Variants in CDK8 observed in about 807,000 individuals in gnomAD.
CDK8 encodes cyclin dependent kinase 8, also known as cyclin-dependent kinase 8.
CDK8 carries 29 observed loss-of-function variants against 71.5 expected under a neutral mutation model. The ratio of observed to expected loss-of-function variants is 0.41; its 90% CI spans 0.30 to 0.55. The LOEUF is 0.55. Among genes scored for constraint, CDK8 ranks in the 20% least tolerant of loss-of-function variants. The probability of loss-of-function intolerance (pLI) is 0.37; values close to 1 mark genes in which losing one functional copy is unlikely to be tolerated. For missense variants in CDK8, 288 were observed against 572.6 expected, an observed-to-expected ratio of 0.50 and a Z score of 5.07; for synonymous variants, 161 against 192.1, an observed-to-expected ratio of 0.84 and a Z score of 1.34.
intron 1 of CDK8, among the ~76,000 whole-genome samples, chr13:26,306,355 A>G (rs1000876017): frequency 2.6e-5 from 4 of 152,170 alleles, no homozygotes; most frequent in Non-Finnish European, 5.9e-5. Flanking sequence ...GGGAATGAAC[A>G]TATTTCTTTG....
chr13:26,331,034 C>T (rs1424556375), intron 1 of CDK8, among the ~76,000 whole-genome samples: 1 of 152,122 alleles, frequency 6.6e-6, no homozygotes, highest in African/African-American at 2.4e-5. Flanking sequence ...TCTATAGTGG[C>T]TGTACTAGTT....
intron 9 of CDK8, chr13:26,400,131 A>G (rs1452506644): frequency 4.5e-6 from 1 of 223,156 alleles, no homozygotes; most frequent in Non-Finnish European, 8.8e-6. Flanking sequence ...TTTTATCTTA[A>G]TAGAAAAAGA....
intron 1 of CDK8, among the ~76,000 whole-genome samples, chr13:26,295,829 A>G (rs531063208): frequency 4.3e-4 from 65 of 152,282 alleles, no homozygotes; most frequent in Non-Finnish European, 8.4e-4. Context: ...TTATGACTGT[A>G]TGAGGTCTCA....
At chr13:26,317,311 A>G (rs900178313) in intron 1 of CDK8, among the ~76,000 whole-genome samples, 2 of 152,320 alleles carry the variant, frequency 1.3e-5, no homozygotes, top group African/African-American at 4.8e-5. Flanking sequence ...ACAGACCATC[A>G]AAATGCATGA....
At chr13:26,310,847 T>C (rs957358081) in intron 1 of CDK8, among the ~76,000 whole-genome samples, 1 of 152,200 alleles carries the variant, frequency 6.6e-6, no homozygotes, top group Non-Finnish European at 1.5e-5. Flanking sequence ...TTCTCAAAGT[T>C]ACTTTGTTCA....
At chr13:26,324,155 A>G (rs1874917880) in intron 1 of CDK8, among the ~76,000 whole-genome samples, 1 of 152,222 alleles carries the variant, frequency 6.6e-6, no homozygotes, top group African/African-American at 2.4e-5. Context: ...TTCTTTAAAT[A>G]GAAAAGTTTG....
At chr13:26,394,115 C>G (rs1308277210) in intron 7 of CDK8, among the ~76,000 whole-genome samples, 1 of 152,276 alleles carries the variant, frequency 6.6e-6, no homozygotes, top group Non-Finnish European at 1.5e-5. Context: ...AACTGTATCT[C>G]AATCCCTAGT....
Position 26,271,806 on chromosome 13 carries a change from CTTTTTTTTTTTTT to C in CDK8, c.128+17061_128+17073del, listed in dbSNP as rs58160694. 9.0e-3 allele frequency among the ~76,000 whole-genome samples: 565 copies of C among 62,626 alleles called. 5 individuals are homozygous for C. Among genetic ancestry groups the C allele is most frequent in the Non-Finnish European group, 0.012 (462 of 37,318 alleles). 41.1% of individuals were successfully genotyped at this position (62,626 alleles called of 152,430 possible). ...CCTGGGGGACAGAGTGAGACCCTGT[CTTTTTTTTTTTTT>C]TTTTTTTTTTTTTTTTTTTTTTTAA... On this transcript the variant is annotated intron_variant, in intron 1 of 12. Transcript: ENST00000381527.
chr13:26,394,739 T>G (rs1875904870), intron 7 of CDK8, among the ~76,000 whole-genome samples: 2 of 152,158 alleles, frequency 1.3e-5, no homozygotes, highest in South Asian at 4.1e-4. Flanking sequence ...TAAGGAAGCT[T>G]GGAAAGCAGG....
chr13:26,363,250 C>T (rs564008465), intron 4 of CDK8, among the ~76,000 whole-genome samples: 40 of 132,844 alleles, frequency 3.0e-4, no homozygotes, highest in Non-Finnish European at 4.8e-4. Flanking sequence ...ATGGCGTGAA[C>T]CTGGGAGGTG....
intron 1 of CDK8, among the ~76,000 whole-genome samples, chr13:26,279,829 T>C (rs952851386): frequency 1.6e-4 from 24 of 152,224 alleles, no homozygotes; most frequent in African/African-American, 5.8e-4. Flanking sequence ...ATTTTGATTA[T>C]ATAGGAAAAT....
chr13:26,365,269 A>G (rs577438957), intron 4 of CDK8, among the ~76,000 whole-genome samples: 4 of 152,248 alleles, frequency 2.6e-5, no homozygotes, highest in African/African-American at 9.6e-5. Flanking sequence ...TGCTTATTCT[A>G]AAGTATTCTT....
chr13:26,387,031 C>T (rs73160345), intron 6 of CDK8, among the ~76,000 whole-genome samples: 8,169 of 152,216 alleles, frequency 0.054, 279 homozygotes, highest in Middle Eastern at 0.079. Flanking sequence ...AACTCAGTGT[C>T]GTCAGATGTT....
intron 4 of CDK8, among the ~76,000 whole-genome samples, chr13:26,354,338 A>G (rs1873803855): frequency 6.6e-6 from 1 of 152,224 alleles, no homozygotes; most frequent in South Asian, 2.1e-4. Flanking sequence ...AATCACCTTT[A>G]TTAATCATAA....
chr13:26,270,472 G>T (rs1372251070), intron 1 of CDK8, among the ~76,000 whole-genome samples: 1 of 151,212 alleles, frequency 6.6e-6, no homozygotes, highest in South Asian at 2.1e-4. Flanking sequence ...AGCTATTACC[G>T]CAATCTGATT....
chr13:26,368,280 CTT>C (rs560844603), intron 4 of CDK8, among the ~76,000 whole-genome samples: 44 of 152,212 alleles, frequency 2.9e-4, no homozygotes, highest in Admixed American at 9.2e-4. Context: ...ATCTTCCTCT[CTT>C]GTTGTCTTGT....
At chr13:26,287,177 A>T (rs1285573201) in intron 1 of CDK8, among the ~76,000 whole-genome samples, 1 of 152,234 alleles carries the variant, frequency 6.6e-6, no homozygotes, top group Non-Finnish European at 1.5e-5. Flanking sequence ...ATTATTTGAA[A>T]AAGACACTTG....
At chr13:26,257,597 AG>A (rs1180012995) in intron 1 of CDK8, among the ~76,000 whole-genome samples, 7 of 152,132 alleles carry the variant, frequency 4.6e-5, no homozygotes, top group Non-Finnish European at 1.0e-4. Flanking sequence ...AGTGGGAAGC[AG>A]GGGGGTTCAT....
At chr13:26,309,721 C>G (rs1341340677) in intron 1 of CDK8, among the ~76,000 whole-genome samples, 1 of 152,144 alleles carries the variant, frequency 6.6e-6, no homozygotes, top group Non-Finnish European at 1.5e-5. Flanking sequence ...CATCCCAGCC[C>G]AGATATCTGT....
Sources: allele counts gnomAD v4.1 joint callset (sites outside exome capture counted in the v4.1 genomes callset), GRCh38; gene constraint gnomAD v4.1.1; transcripts MANE v1.5; gene names NCBI Gene and HGNC (gene_info 2026-07-23, HGNC 2026-07-21).